The following DAB1 variants were observed in gnomAD, a reference collection of about 807,000 sequenced individuals.
DAB1 encodes the protein disabled homolog 1.
DAB1 carries 15 observed loss-of-function variants against 64.6 expected under a neutral mutation model. The ratio of observed to expected loss-of-function variants is 0.23; its 90% confidence interval spans 0.16 to 0.36. The LOEUF (loss-of-function observed/expected upper bound fraction) is 0.36, where lower values mean the gene tolerates loss of function less well. DAB1 is among the 10% of genes least tolerant of loss of function. The pLI is 1.00. For missense variants in DAB1, 596 were observed against 706.7 expected (o/e 0.84, Z 1.78); for synonymous variants, 235 against 251.9 (o/e 0.93, Z 0.64).
rs548199082 is a variant in DAB1 at position 57,754,901 on chromosome 1, G to A, written n.552-105236C>T. Among the ~76,000 whole-genome samples the A allele has an allele frequency of 2.6e-5, 4 of 152,160 alleles. No homozygotes were observed. In the South Asian group the frequency reaches 6.2e-4, roughly 24 times the overall value. On this transcript the variant is annotated intron_variant and non_coding_transcript_variant, in intron 6 of 20. Transcript: ENST00000485760. ...AGCTCCAAGACGGCAGATTCCCAATGCACATTTTCACTTTTCATCCAAACC... is the reference window on the plus strand; with the variant it reads ...AGCTCCAAGACGGCAGATTCCCAATACACATTTTCACTTTTCATCCAAACC...
At chr1:57,918,192 A>C (rs566998647) in intron 5 of DAB1, among the ~76,000 whole-genome samples, 11 of 152,164 alleles carry the variant, frequency 7.2e-5, no homozygotes, top group Non-Finnish European at 1.6e-4. Context: ...AACAAAAAAA[A>C]GAAGCCATAG....
At chr1:57,790,173 T>C (rs138748389) in intron 6 of DAB1, among the ~76,000 whole-genome samples, 1,788 of 152,238 alleles carry the variant, frequency 0.012, 29 homozygotes, top group African/African-American at 0.042. Flanking sequence ...TCATCTTGAA[T>C]TGTAGTTCCC....
intron 1 of DAB1, among the ~76,000 whole-genome samples, chr1:57,372,479 A>G (rs1482167221): frequency 6.6e-6 from 1 of 152,236 alleles, no homozygotes; most frequent in East Asian, 1.9e-4. Context: ...CTGCATGTTC[A>G]GAAACACACA....
At chr1:58,245,296 A>G (rs962720496) in intron 4 of DAB1, among the ~76,000 whole-genome samples, 1 of 152,134 alleles carries the variant, frequency 6.6e-6, no homozygotes, top group Admixed American at 6.5e-5. Flanking sequence ...CAACTCTTAC[A>G]TCTAAGGATA....
chr1:57,538,603 T>G (rs1644758709), intron 7 of DAB1, among the ~76,000 whole-genome samples: 1 of 152,196 alleles, frequency 6.6e-6, no homozygotes. Flanking sequence ...TATCTTCAGC[T>G]ACCTTCTCTA....
intron 3 of DAB1, among the ~76,000 whole-genome samples, chr1:58,453,365 G>A (rs1257872549): frequency 6.6e-6 from 1 of 152,122 alleles, no homozygotes; most frequent in Non-Finnish European, 1.5e-5. Context: ...CTGCATGTAA[G>A]CTCATATAAT....
At chr1:57,498,688 T>C (rs1487477410) in intron 7 of DAB1, among the ~76,000 whole-genome samples, 1 of 152,162 alleles carries the variant, frequency 6.6e-6, no homozygotes, top group African/African-American at 2.4e-5. Flanking sequence ...GTAATGAGGA[T>C]AGCAATAAGA....
intron 5 of DAB1, among the ~76,000 whole-genome samples, chr1:57,969,265 T>C (rs927897768): frequency 5.3e-5 from 8 of 152,154 alleles, no homozygotes; most frequent in African/African-American, 1.9e-4. Context: ...CTTACCAATA[T>C]ATCACTTTAC....
chr1:58,373,422 G>C (rs988217677), intron 3 of DAB1, among the ~76,000 whole-genome samples: 1 of 148,584 alleles, frequency 6.7e-6, no homozygotes, highest in African/African-American at 2.5e-5. Context: ...AATATGCGGT[G>C]TTTGGTTTTT....
intron 3 of DAB1, among the ~76,000 whole-genome samples, chr1:58,447,766 T>C (rs1645085668): frequency 6.6e-6 from 1 of 152,060 alleles, no homozygotes; most frequent in Non-Finnish European, 1.5e-5. Context: ...GAGAGTCTCT[T>C]ATTTGAACAT....
At chr1:57,835,830 G>T (rs1046379187) in intron 1 of DAB1, among the ~76,000 whole-genome samples, 2 of 152,304 alleles carry the variant, frequency 1.3e-5, no homozygotes, top group Middle Eastern at 6.8e-3. Context: ...AAAGACACCT[G>T]AATGCAGCCA....
chr1:57,335,237 C>T (rs1019449362), intron 1 of DAB1, among the ~76,000 whole-genome samples: 3 of 151,518 alleles, frequency 2.0e-5, no homozygotes, highest in Admixed American at 6.6e-5. Context: ...AGCAACTTTA[C>T]GTGCCCCGAT....
intron 5 of DAB1, among the ~76,000 whole-genome samples, chr1:58,008,302 A>G (rs1646616291): frequency 6.6e-6 from 1 of 152,124 alleles, no homozygotes; most frequent in Non-Finnish European, 1.5e-5. Context: ...AGGTGTATGG[A>G]TCTTGTGGTA....
chr1:57,709,410 T>G (rs2101742848), intron 6 of DAB1, among the ~76,000 whole-genome samples: 1 of 152,300 alleles, frequency 6.6e-6, no homozygotes, highest in Middle Eastern at 3.4e-3. Flanking sequence ...CATTTATGAT[T>G]TTATTAATTT....
At chr1:57,177,070 G>A (rs1239210076) in intron 2 of DAB1, among the ~76,000 whole-genome samples, 1 of 151,114 alleles carries the variant, frequency 6.6e-6, no homozygotes, top group African/African-American at 2.4e-5. Flanking sequence ...CACCAGCAGG[G>A]ACAGAAGTCC....
At chr1:57,286,549 A>T (rs1444413873) in intron 2 of DAB1, among the ~76,000 whole-genome samples, 2 of 152,206 alleles carry the variant, frequency 1.3e-5, no homozygotes, top group Non-Finnish European at 2.9e-5. Flanking sequence ...GGAATTATGC[A>T]TGGTTACTTT....
At chr1:57,174,525 CAAG>C (rs1436101105) in intron 2 of DAB1, among the ~76,000 whole-genome samples, 4 of 152,060 alleles carry the variant, frequency 2.6e-5, no homozygotes, top group South Asian at 2.1e-4. Flanking sequence ...CAGGGTGAAA[CAAG>C]AAGAACAGAT....
intron 4 of DAB1, among the ~76,000 whole-genome samples, chr1:58,291,453 C>T (rs1661833934): frequency 6.6e-6 from 1 of 152,150 alleles, no homozygotes; most frequent in African/African-American, 2.4e-5. Context: ...GTGTAAGTGG[C>T]TGCTAAAACA....
In DAB1 at chr1:58,385,149, G is replaced by A. The variant is rs532621491; in HGVS notation, n.258-41746C>T. The stretch of plus-strand genomic sequence containing the variant: ...ACATAAGAAAACTTTTAGTGGTGAT[G>A]CATAGCTTTATTATATTGATTGTGG... On this transcript the variant is annotated intron_variant and non_coding_transcript_variant, in intron 3 of 20. Coordinates refer to the DAB1 transcript ENST00000485760. 7.2e-5 allele frequency among the ~76,000 whole-genome samples: 11 copies of A among 152,334 alleles called. No individual in the cohort carries two copies. The South Asian group carries it at 2.1e-3, about 29-fold the overall frequency.
Sources: allele counts gnomAD v4.1 joint callset (sites outside exome capture counted in the v4.1 genomes callset), GRCh38; gene constraint gnomAD v4.1.1; transcripts MANE v1.5; gene names NCBI Gene and HGNC (gene_info 2026-07-23, HGNC 2026-07-21).